The following DSC3 variants were observed in gnomAD, a reference collection of about 807,000 sequenced individuals.
DSC3 encodes the protein desmocollin 3, also known as desmocollin-3.
DSC3 carries 97 observed loss-of-function variants against 89.5 expected under a neutral mutation model. The ratio of observed to expected loss-of-function variants is 1.08; its 90% CI spans 0.92 to 1.28. DSC3 has a LOEUF of 1.28. Among genes scored for constraint, DSC3 ranks in the 50% most tolerant of loss-of-function variants. DSC3 has a pLI of 0.00. For synonymous variants in DSC3, 436 were observed against 384.1 expected (o/e 1.14, Z -1.58); for missense variants, 1,199 against 1,085.3 (o/e 1.10, Z -1.47).
Position 31,008,166 on chromosome 18 carries a change from T to TA in DSC3, c.1521-9dup, listed in dbSNP as rs371902933. ...TCATGCAATTTTTTGTACCTGTTAA[T>TA]AAAAAAAAAATAGTCTTTAGCATCA... On this transcript the variant is annotated splice_polypyrimidine_tract_variant and intron_variant, in intron 10 of 15. Coordinates refer to ENST00000360428, the MANE Select transcript of DSC3 (RefSeq NM_001941.5). The TA allele has an allele frequency of 2.8e-3, 4,084 of 1,473,434 alleles. 22 individuals are homozygous for TA. In the African/African-American group the frequency reaches 0.029, roughly 10 times the overall value. 91.3% of individuals were successfully genotyped at this position (1,473,434 alleles called of 1,614,324 possible). A position where few individuals can be genotyped will look rare whatever the true frequency, so the allele number is the denominator to read the frequency against.
chr18:31,016,475 G>A (rs1298425155), intron 9 of DSC3, among the ~76,000 whole-genome samples: 3 of 152,172 alleles, frequency 2.0e-5, no homozygotes, highest in East Asian at 1.9e-4. Context: ...ACATCAATTC[G>A]AAACATATGC....
rs979795046 is a variant in DSC3, at chr18:30,991,825, A to G, written c.*2350T>C. ...AAGATTGATCCAATTCGTATGATCA[A>G]CTTTCACACATGTTCAAAATGATTA... On this transcript the variant is annotated 3_prime_UTR_variant, in exon 16 of 16. Transcript: ENST00000360428. 4 of 152,128 alleles carry G rather than the reference A, an allele frequency of 2.6e-5. No homozygotes were observed. Among genetic ancestry groups the G allele is most frequent in the African/African-American group, 9.7e-5 (4 of 41,426 alleles). 9.4% of individuals were successfully genotyped at this position (152,128 alleles called of 1,614,324 possible).
At chr18:31,011,818 C>A (rs1409296783) in intron 9 of DSC3, among the ~76,000 whole-genome samples, 4 of 151,668 alleles carry the variant, frequency 2.6e-5, no homozygotes, top group Non-Finnish European at 5.9e-5. Flanking sequence ...CACGGTGAAA[C>A]CCCATCTCTA....
intron 9 of DSC3, 131 bp downstream of exon 9, chr18:31,017,940 T>C: frequency 1.5e-6 from 1 of 686,814 alleles, no homozygotes; most frequent in Non-Finnish European, 2.4e-6. Flanking sequence ...GAGATTGGAA[T>C]AGTGGTTTAA....
Position 31,018,074 on chromosome 18 carries a change from T to A in DSC3, c.1260A>T (p.Val420=). Residue 420 remains valine, a synonymous_variant, in exon 9 of 16, where the codon GTA becomes GTT. Coordinates refer to ENST00000360428, the MANE Select transcript of DSC3 (RefSeq NM_001941.5). ...KETNEGVLSV[V]KPLNYEENRQ... ...TGTCAATTATACATTACTGTACCTT[T>A]ACAACAGAAAGAACACCTTCATTAG... 6.2e-7 allele frequency: 1 copy of A among 1,611,520 alleles called. No individual in the cohort carries two copies. Among genetic ancestry groups the A allele is most frequent in the Non-Finnish European group, 8.5e-7 (1 of 1,178,472 alleles).
intron 12 of DSC3, among the ~76,000 whole-genome samples, chr18:31,004,657 G>A (rs1362405295): frequency 1.3e-5 from 2 of 152,298 alleles, no homozygotes; most frequent in East Asian, 1.9e-4. Flanking sequence ...TAGGTTGGCT[G>A]TTAACATACA....
At chr18:31,040,536 A>AT (rs1452487222) in intron 1 of DSC3, among the ~76,000 whole-genome samples, 1 of 152,082 alleles carries the variant, frequency 6.6e-6, no homozygotes, top group Admixed American at 6.6e-5. Context: ...TAGAAACTGT[A>AT]TTTACACTTC....
chr18:31,010,204 A>T (rs1313590), intron 9 of DSC3, among the ~76,000 whole-genome samples: 1 of 152,024 alleles, frequency 6.6e-6, no homozygotes, highest in Non-Finnish European at 1.5e-5. Flanking sequence ...TCTACAAAAC[A>T]TATGTAAAAC....
At chr18:31,026,719 A>C (rs75696643) in intron 4 of DSC3, among the ~76,000 whole-genome samples, 2 of 152,110 alleles carry the variant, frequency 1.3e-5, no homozygotes, top group African/African-American at 4.8e-5. Context: ...CATCTTCCTT[A>C]GTATTAGAAT....
intron 13 of DSC3, among the ~76,000 whole-genome samples, chr18:31,003,777 G>A (rs1984742804): frequency 1.3e-5 from 2 of 152,208 alleles, no homozygotes; most frequent in South Asian, 4.1e-4. Context: ...TGGCTGGACG[G>A]TAAGAAGATA....
intron 9 of DSC3, among the ~76,000 whole-genome samples, chr18:31,010,629 TA>T (rs977768065): frequency 2.0e-5 from 3 of 152,130 alleles, no homozygotes; most frequent in African/African-American, 7.2e-5. Flanking sequence ...TTTCGCCACT[TA>T]AAAAAAGTGC....
At chr18:31,002,982 C>T (rs893332538) in intron 13 of DSC3, among the ~76,000 whole-genome samples, 3 of 152,162 alleles carry the variant, frequency 2.0e-5, no homozygotes. Context: ...ATTTCCTAAT[C>T]CTCTTCCCCT....
chr18:31,014,900 A>G (rs962278855), intron 9 of DSC3, among the ~76,000 whole-genome samples: 27 of 152,110 alleles, frequency 1.8e-4, no homozygotes, highest in Non-Finnish European at 3.7e-4. Flanking sequence ...ATTTACCTTC[A>G]TCAGCCTTAG....
At chr18:31,029,421 AT>A (rs1408293419) in intron 4 of DSC3, 87 bp downstream of exon 4, 2 of 1,523,360 alleles carry the variant, frequency 1.3e-6, no homozygotes, top group African/African-American at 2.8e-5. Context: ...AGATCTGTTT[AT>A]TTTTATATGT....
rs1984336886 is a variant in DSC3, at chr18:30,993,289, T to C, written c.*886A>G. The stretch of plus-strand genomic sequence containing the variant: ...TATTCCCCAGTTTGCTACTAACTTG[T>C]GGATGCAGAAATCTTGAAACAGACT... On this transcript the variant is annotated 3_prime_UTR_variant, in exon 16 of 16. Transcript: ENST00000360428. The C allele has an allele frequency of 6.6e-6, 1 of 152,196 alleles. No individual in the cohort carries two copies. Among genetic ancestry groups the C allele is most frequent in the Non-Finnish European group, 1.5e-5 (1 of 68,038 alleles). The allele number at this position is 152,196 out of a possible 1,614,324, so 9.4% of individuals were successfully genotyped here.
At chr18:31,028,947 A>T (rs1985689006) in intron 4 of DSC3, among the ~76,000 whole-genome samples, 1 of 152,076 alleles carries the variant, frequency 6.6e-6, no homozygotes, top group African/African-American at 2.4e-5. Flanking sequence ...AGGAGCTCTC[A>T]CTTCTGTACT....
At position 31,041,258 on chromosome 18, in the gene DSC3, T is replaced by G. The variant is rs548102654; in HGVS notation, c.69+1334A>C. On this transcript the variant is annotated intron_variant, in intron 1 of 15. Transcript: ENST00000360428. Reference sequence around the variant, plus strand: ...AAACCCCAAATGCATGCTTGTAAACTGAAAAGCTGAAAATGCTTTTAAATA... The same window carrying G: ...AAACCCCAAATGCATGCTTGTAAACGGAAAAGCTGAAAATGCTTTTAAATA... Among the ~76,000 whole-genome samples the G allele has an allele frequency of 5.3e-5, 8 of 152,330 alleles. 1 individual carries two copies. The highest frequency in any genetic ancestry group is 1.9e-4 in the East Asian group (1 of 5,180).
intron 12 of DSC3, among the ~76,000 whole-genome samples, chr18:31,005,455 T>C (rs1480626999): frequency 6.6e-6 from 1 of 152,182 alleles, no homozygotes; most frequent in Non-Finnish European, 1.5e-5. Flanking sequence ...CAATGCATAA[T>C]TGCTGTTGCC....
intron 1 of DSC3, among the ~76,000 whole-genome samples, chr18:31,034,973 A>C (rs1317809392): frequency 6.6e-6 from 1 of 152,184 alleles, no homozygotes; most frequent in Non-Finnish European, 1.5e-5. Flanking sequence ...GCAGTTTAAA[A>C]CAAAAAAGGA....
Sources: allele counts gnomAD v4.1 joint callset (sites outside exome capture counted in the v4.1 genomes callset), GRCh38; gene constraint gnomAD v4.1.1; transcripts MANE v1.5; gene names NCBI Gene and HGNC (gene_info 2026-07-23, HGNC 2026-07-21).